Variants in ITFG1 observed in about 807,000 individuals in gnomAD.
ITFG1 encodes integrin alpha FG-GAP repeat containing 1.
In ITFG1, 34 loss-of-function variants were observed where a neutral mutation model predicts 81.8. That is an observed-to-expected ratio of 0.42 (90% CI 0.32 to 0.55). ITFG1 has a LOEUF of 0.55. Among genes scored for constraint, ITFG1 ranks in the 20% least tolerant of loss-of-function variants. The pLI is 0.17. For synonymous variants in ITFG1, 285 were observed against 270.6 expected (o/e 1.05, Z -0.52); for missense variants, 672 against 755.4 (o/e 0.89, Z 1.29).
chr16:47,264,545 TACACACACACACACACACACACAC>T (rs60424367), intron 10 of ITFG1, among the ~76,000 whole-genome samples: 1 of 136,036 alleles, frequency 7.4e-6, no homozygotes, highest in Non-Finnish European at 1.6e-5. Flanking sequence ...TGTTCTCTAT[TACACACACACACACACACACACAC>T]ACACACACAC....
chr16:47,272,405 A>AT (rs937486136), intron 10 of ITFG1, among the ~76,000 whole-genome samples: 7 of 151,004 alleles, frequency 4.6e-5, no homozygotes, highest in Admixed American at 6.6e-5. Flanking sequence ...ATATGAATAC[A>AT]TTTTTTTTTA....
chr16:47,179,854 T>C (rs1965082193), intron 14 of ITFG1, among the ~76,000 whole-genome samples: 1 of 152,230 alleles, frequency 6.6e-6, no homozygotes, highest in African/African-American at 2.4e-5. Flanking sequence ...GGATCATCAC[T>C]GTTTATAGAA....
intron 10 of ITFG1, among the ~76,000 whole-genome samples, chr16:47,280,445 A>G (rs1396844153): frequency 6.6e-6 from 1 of 152,222 alleles, no homozygotes; most frequent in Non-Finnish European, 1.5e-5. Context: ...TCCCTGGAAT[A>G]AAGCCCACTT....
At chr16:47,202,375 G>A (rs373969171) in intron 14 of ITFG1, 6 of 152,102 alleles carry the variant, frequency 3.9e-5, no homozygotes, top group African/African-American at 1.4e-4. Context: ...GATAAACTCA[G>A]GATTGGTTTT....
intron 6 of ITFG1, among the ~76,000 whole-genome samples, chr16:47,387,209 T>C (rs573871471): frequency 8.5e-5 from 13 of 152,128 alleles, no homozygotes; most frequent in East Asian, 1.9e-4. Context: ...ACAAGGTACG[T>C]CTCCAAAGCT....
At chr16:47,382,497 T>A (rs548716545) in intron 6 of ITFG1, among the ~76,000 whole-genome samples, 1 of 152,286 alleles carries the variant, frequency 6.6e-6, no homozygotes, top group East Asian at 1.9e-4. Context: ...ACAGCTCTGA[T>A]GATCTCTAAT....
intron 10 of ITFG1, among the ~76,000 whole-genome samples, chr16:47,298,550 G>A (rs1967020635): frequency 6.6e-6 from 1 of 152,078 alleles, no homozygotes; most frequent in Admixed American, 6.6e-5. Context: ...GGTATGTTCA[G>A]TAGCAAAGAC....
chr16:47,430,780 A>G (rs1969085595), intron 5 of ITFG1, among the ~76,000 whole-genome samples: 1 of 152,216 alleles, frequency 6.6e-6, no homozygotes, highest in Non-Finnish European at 1.5e-5. Flanking sequence ...CAAAAAGTTA[A>G]ACACAGAATT....
intron 12 of ITFG1, among the ~76,000 whole-genome samples, chr16:47,245,758 T>G (rs931652249): frequency 7.9e-5 from 12 of 152,186 alleles, no homozygotes; most frequent in South Asian, 6.2e-4. Flanking sequence ...CACATGAATT[T>G]TCTTTTACAA....
At chr16:47,287,137 A>G (rs1019269710) in intron 10 of ITFG1, among the ~76,000 whole-genome samples, 1 of 152,206 alleles carries the variant, frequency 6.6e-6, no homozygotes, top group African/African-American at 2.4e-5. Context: ...TGATGCTGCA[A>G]CTAGACCCGA....
At chr16:47,383,037 C>T (rs1198483976) in intron 6 of ITFG1, among the ~76,000 whole-genome samples, 1 of 152,098 alleles carries the variant, frequency 6.6e-6, no homozygotes, top group African/African-American at 2.4e-5. Flanking sequence ...TTCCTCTACC[C>T]CTGTGAGGTC....
intron 8 of ITFG1, among the ~76,000 whole-genome samples, chr16:47,328,034 C>G (rs878872429): frequency 3.3e-5 from 5 of 152,094 alleles, no homozygotes; most frequent in Non-Finnish European, 7.3e-5. Flanking sequence ...ATGTTTACTG[C>G]GGCACTATTC....
At chr16:47,433,844 T>C (rs1476256076) in intron 5 of ITFG1, among the ~76,000 whole-genome samples, 1 of 102,756 alleles carries the variant, frequency 9.7e-6, no homozygotes, top group Non-Finnish European at 2.0e-5. Flanking sequence ...CTAAAGTGAA[T>C]AAATAAAAAC....
intron 8 of ITFG1, among the ~76,000 whole-genome samples, chr16:47,362,078 T>C (rs1968116720): frequency 6.6e-6 from 1 of 152,220 alleles, no homozygotes; most frequent in Admixed American, 6.5e-5. Flanking sequence ...TCTTTGTGAA[T>C]AGTATCACCC....
At chr16:47,328,222 C>A (rs904710061) in intron 8 of ITFG1, among the ~76,000 whole-genome samples, 4 of 151,906 alleles carry the variant, frequency 2.6e-5, no homozygotes, top group Non-Finnish European at 4.4e-5. Flanking sequence ...ATCGCAAGGT[C>A]AAAAAACCAA....
intron 5 of ITFG1, among the ~76,000 whole-genome samples, chr16:47,441,234 A>G (rs549152636): frequency 4.2e-4 from 64 of 152,312 alleles, no homozygotes; most frequent in Admixed American, 2.6e-3. Flanking sequence ...ATTCACAGCC[A>G]AATTCTACCA....
At chr16:47,396,129 AG>A (rs925189645) in intron 6 of ITFG1, 3 of 980,702 alleles carry the variant, frequency 3.1e-6, no homozygotes, top group African/African-American at 3.5e-5. Context: ...TCTTAAGTAT[AG>A]TGTGGTGGGT....
chr16:47,425,938 T>A (rs1036995391), intron 6 of ITFG1: 2 of 152,142 alleles, frequency 1.3e-5, no homozygotes, highest in African/African-American at 4.8e-5. Context: ...TGCATACGTA[T>A]CCTTTGTCCT....
chr16:47,324,976 A>G (rs541428922), intron 8 of ITFG1, among the ~76,000 whole-genome samples: 1 of 152,214 alleles, frequency 6.6e-6, no homozygotes, highest in Non-Finnish European at 1.5e-5. Context: ...CTCTGCACCA[A>G]GCGGACCTAA....
Sources: allele counts gnomAD v4.1 joint callset (sites outside exome capture counted in the v4.1 genomes callset), GRCh38; gene constraint gnomAD v4.1.1; transcripts MANE v1.5; gene names NCBI Gene and HGNC (gene_info 2026-07-23, HGNC 2026-07-21).